The following ANKRD31 variants were observed in gnomAD, a reference collection of about 807,000 sequenced individuals.
ANKRD31 encodes ankyrin repeat domain 31, also known as ankyrin repeat domain-containing protein 31.
In ANKRD31, 147 loss-of-function variants were observed where a neutral mutation model predicts 186.0. The ratio of observed to expected loss-of-function variants is 0.79; its 90% confidence interval spans 0.69 to 0.91. The LOEUF (loss-of-function observed/expected upper bound fraction) is 0.91, where lower values mean the gene tolerates loss of function less well. Among genes scored for constraint, ANKRD31 ranks in the 40% least tolerant of loss-of-function variants. ANKRD31 has a pLI of 0.00. For synonymous variants in ANKRD31, 673 were observed against 736.4 expected (o/e 0.91, Z 1.39); for missense variants, 1,986 against 2,148.8 (o/e 0.92, Z 1.50).
At chr5:75,140,916 C>T (rs1751003074) in intron 15 of ANKRD31, among the ~76,000 whole-genome samples, 1 of 152,144 alleles carries the variant, frequency 6.6e-6, no homozygotes, top group Non-Finnish European at 1.5e-5. Context: ...TGCCTACGAA[C>T]AATTCTGTTA....
At chr5:75,135,156 G>C (rs1750459418) in intron 17 of ANKRD31, among the ~76,000 whole-genome samples, 1 of 152,202 alleles carries the variant, frequency 6.6e-6, no homozygotes, top group African/African-American at 2.4e-5. Flanking sequence ...ACTTTTGGAA[G>C]TTCTGGCCAG....
At chr5:75,185,732 A>T (rs192627085) in intron 10 of ANKRD31, among the ~76,000 whole-genome samples, 28 of 152,138 alleles carry the variant, frequency 1.8e-4, no homozygotes, top group Admixed American at 5.9e-4. Context: ...AATTACTCTG[A>T]TTTGATCATT....
intron 9 of ANKRD31, 42 bp downstream of exon 9, chr5:75,192,625 T>A (rs1172971516): frequency 7.2e-7 from 1 of 1,394,366 alleles, no homozygotes; most frequent in South Asian, 1.3e-5. Flanking sequence ...ACCAATTCTG[T>A]TTTTGTAAAA....
At chr5:75,214,022 A>T (rs75656928) in intron 3 of ANKRD31, among the ~76,000 whole-genome samples, 5,661 of 152,314 alleles carry the variant, frequency 0.037, 212 homozygotes, top group Admixed American at 0.095. Flanking sequence ...TGAATTGCTA[A>T]CAACATTTGC....
intron 25 of ANKRD31, among the ~76,000 whole-genome samples, chr5:75,070,013 G>C (rs968059174): frequency 1.3e-5 from 2 of 152,154 alleles, no homozygotes; most frequent in Admixed American, 1.3e-4. Flanking sequence ...AATGAAACCT[G>C]AAGATCTGTT....
chr5:75,142,417 A>G (rs887135070), intron 15 of ANKRD31, among the ~76,000 whole-genome samples: 3 of 151,906 alleles, frequency 2.0e-5, no homozygotes, highest in Admixed American at 6.6e-5. Flanking sequence ...CCTGCTGCAC[A>G]TATCTATATA....
intron 5 of ANKRD31, among the ~76,000 whole-genome samples, chr5:75,202,659 A>C (rs1755894788): frequency 6.6e-6 from 1 of 152,252 alleles, no homozygotes; most frequent in Non-Finnish European, 1.5e-5. Context: ...CTACAATTTG[A>C]TTAGAATTTA....
chr5:75,071,864 T>TG (rs1034016381), intron 25 of ANKRD31, among the ~76,000 whole-genome samples: 28 of 152,160 alleles, frequency 1.8e-4, no homozygotes, highest in African/African-American at 6.8e-4. Flanking sequence ...TTTGACACCA[T>TG]GGCACTGGCA....
intron 19 of ANKRD31, 84 bp downstream of exon 19, chr5:75,116,482 C>G: frequency 1.8e-6 from 1 of 570,302 alleles, no homozygotes; most frequent in Non-Finnish European, 2.6e-6. Context: ...ATGGAAAGTA[C>G]TGCCATTAGC....
At chr5:75,187,358 T>C (rs1754807962) in intron 10 of ANKRD31, among the ~76,000 whole-genome samples, 1 of 151,420 alleles carries the variant, frequency 6.6e-6, no homozygotes, top group Non-Finnish European at 1.5e-5. Context: ...AAAGAATTCA[T>C]GAAGGTCACA....
intron 5 of ANKRD31, among the ~76,000 whole-genome samples, chr5:75,205,831 TGCAAAGAGATAGACA>T: frequency 6.6e-6 from 1 of 152,214 alleles, no homozygotes; most frequent in East Asian, 1.9e-4. Context: ...TGGTAGACAC[TGCAAAGAGATAGACA>T]GCTATCCTCT....
rs576516753 is a variant in ANKRD31 at position 75,168,276 on chromosome 5, C to T, written c.1707+703G>A. 2.8e-4 allele frequency among the ~76,000 whole-genome samples: 42 copies of T among 152,232 alleles called. 1 individual carries two copies. In the South Asian group the frequency reaches 8.3e-3, roughly 30 times the overall value. On this transcript the variant is annotated intron_variant, in intron 11 of 25. Coordinates refer to ENST00000506364, the MANE Select transcript of ANKRD31 (RefSeq NM_001372053.1). ...TCTTCTTAATCCCAGATAGTTAATA[C>T]CCTTTCCCATCCTAGAAGTTTTTAA...
At chr5:75,128,813 C>A (rs1749479890) in intron 17 of ANKRD31, among the ~76,000 whole-genome samples, 1 of 152,056 alleles carries the variant, frequency 6.6e-6, no homozygotes, top group Admixed American at 6.5e-5. Context: ...CATGCCTGGC[C>A]AAGTGGTTTC....
intron 3 of ANKRD31, among the ~76,000 whole-genome samples, chr5:75,214,554 A>G (rs562593965): frequency 2.0e-5 from 3 of 152,350 alleles, no homozygotes; most frequent in Admixed American, 2.0e-4. Flanking sequence ...CATGCAGTGC[A>G]TAATCTCTCC....
chr5:75,091,178 T>A, intron 23 of ANKRD31, 83 bp downstream of exon 23: 1 of 1,413,156 alleles, frequency 7.1e-7, no homozygotes, highest in Non-Finnish European at 9.4e-7. Flanking sequence ...TCTTTCAGAT[T>A]TCCTTAAAAA....
At chr5:75,178,060 CA>C (rs1364109961) in intron 10 of ANKRD31, among the ~76,000 whole-genome samples, 3 of 151,486 alleles carry the variant, frequency 2.0e-5, no homozygotes, top group African/African-American at 4.9e-5. Flanking sequence ...AAATGGAAGA[CA>C]AAAAAAGGCA....
chr5:75,179,059 C>T (rs1754057835), intron 10 of ANKRD31, among the ~76,000 whole-genome samples: 1 of 152,058 alleles, frequency 6.6e-6, no homozygotes, highest in Non-Finnish European at 1.5e-5. Flanking sequence ...GATATCACCA[C>T]CGATCCCACA....
At chr5:75,234,615 TTTGA>T (rs1374150518) in intron 1 of ANKRD31, among the ~76,000 whole-genome samples, 8 of 152,332 alleles carry the variant, frequency 5.3e-5, no homozygotes, top group African/African-American at 1.7e-4. Context: ...AACCAAGGTG[TTTGA>T]TTGTTTTGTA....
chr5:75,156,054 A>G (rs544462184), intron 11 of ANKRD31, among the ~76,000 whole-genome samples: 2 of 152,124 alleles, frequency 1.3e-5, no homozygotes, highest in Admixed American at 6.5e-5. Flanking sequence ...AAAGGTGTGC[A>G]TCACCACGCC....
Sources: allele counts gnomAD v4.1 joint callset (sites outside exome capture counted in the v4.1 genomes callset), GRCh38; gene constraint gnomAD v4.1.1; transcripts MANE v1.5; gene names NCBI Gene and HGNC (gene_info 2026-07-23, HGNC 2026-07-21).